RNGTT: variants seen among roughly 807,000 people sequenced by gnomAD.
The protein encoded by RNGTT is mRNA-capping enzyme.
RNGTT carries 33 observed loss-of-function variants against 79.3 expected under a neutral mutation model. The observed-to-expected ratio is 0.42, with a 90% CI of 0.32 to 0.56. The LOEUF is 0.56. Ranked by LOEUF, RNGTT falls within the 20% of genes least tolerant of loss-of-function variation. The probability of loss-of-function intolerance (pLI) is 0.17; values close to 1 mark genes in which losing one functional copy is unlikely to be tolerated. For synonymous variants in RNGTT, 222 were observed against 235.9 expected (o/e 0.94, Z 0.54); for missense variants, 497 against 739.1 (o/e 0.67, Z 3.80).
At chr6:88,692,777 T>C (rs1775529425) in intron 13 of RNGTT, among the ~76,000 whole-genome samples, 1 of 152,122 alleles carries the variant, frequency 6.6e-6, no homozygotes, top group Non-Finnish European at 1.5e-5. Flanking sequence ...CAGTTTATTA[T>C]AAATCAATTA....
chr6:88,859,691 G>A (rs1781947547), intron 8 of RNGTT, among the ~76,000 whole-genome samples: 1 of 152,192 alleles, frequency 6.6e-6, no homozygotes, highest in South Asian at 2.1e-4. Flanking sequence ...TGGTATCTCT[G>A]AGAGGAAACA....
At chr6:88,613,640 C>G (rs2127844835) in intron 15 of RNGTT, among the ~76,000 whole-genome samples, 1 of 152,298 alleles carries the variant, frequency 6.6e-6, no homozygotes, top group East Asian at 1.9e-4. Flanking sequence ...AACCTGTTAT[C>G]TTGGTTTTTA....
At chr6:88,878,116 G>C (rs1381878443) in intron 8 of RNGTT, among the ~76,000 whole-genome samples, 2 of 147,984 alleles carry the variant, frequency 1.4e-5, no homozygotes, top group African/African-American at 5.1e-5. Flanking sequence ...TTATTTTTGA[G>C]ACAGGATCTT....
chr6:88,862,177 T>C (rs1027015119), intron 8 of RNGTT, among the ~76,000 whole-genome samples: 3 of 152,066 alleles, frequency 2.0e-5, no homozygotes, highest in Non-Finnish European at 2.9e-5. Context: ...TATTAATGAG[T>C]TGACTGATGG....
At chr6:88,869,593 A>G (rs1211548120) in intron 8 of RNGTT, among the ~76,000 whole-genome samples, 1 of 152,152 alleles carries the variant, frequency 6.6e-6, no homozygotes, top group Non-Finnish European at 1.5e-5. Context: ...TGTGACCTCC[A>G]TTTTTATTTT....
chr6:88,692,472 T>G (rs1172890547), intron 13 of RNGTT, among the ~76,000 whole-genome samples: 1 of 151,494 alleles, frequency 6.6e-6, no homozygotes, highest in Admixed American at 6.6e-5. Flanking sequence ...AAAGGGCTAT[T>G]GATAAATGTG....
intron 11 of RNGTT, among the ~76,000 whole-genome samples, chr6:88,823,808 C>T (rs533702009): frequency 6.6e-6 from 1 of 151,936 alleles, no homozygotes; most frequent in Non-Finnish European, 1.5e-5. Context: ...GAAAAAAAAT[C>T]AAAGATCAGG....
intron 11 of RNGTT, among the ~76,000 whole-genome samples, chr6:88,824,248 G>C (rs1158627353): frequency 6.6e-6 from 1 of 152,094 alleles, no homozygotes; most frequent in East Asian, 1.9e-4. Flanking sequence ...TATACACTAG[G>C]CTATACAATA....
chr6:88,766,383 C>T (rs1214082097), intron 13 of RNGTT, among the ~76,000 whole-genome samples: 1 of 152,012 alleles, frequency 6.6e-6, no homozygotes, highest in African/African-American at 2.4e-5. Context: ...TGACAATGAC[C>T]ATGGTTTTAG....
rs548545616 is a variant in RNGTT at position 88,775,907 on chromosome 6, T to C, written c.1339-6033A>G. 1.1e-3 allele frequency among the ~76,000 whole-genome samples: 162 copies of C among 152,356 alleles called. 1 individual carries two copies. Among genetic ancestry groups the C allele is most frequent in the African/African-American group, 3.8e-3 (159 of 41,588 alleles). ...TAAGCCTGAATAATATTCTGTTGCA[T>C]AAATATACCATAATTTCTTAATTCA... On this transcript the variant is annotated intron_variant, in intron 12 of 15. Coordinates refer to ENST00000369485, the MANE Select transcript of RNGTT (RefSeq NM_003800.5).
intron 6 of RNGTT, among the ~76,000 whole-genome samples, chr6:88,899,168 G>A (rs780636089): frequency 3.3e-5 from 5 of 149,958 alleles, no homozygotes; most frequent in Admixed American, 1.3e-4. Flanking sequence ...TTCCTAATTC[G>A]GCCTTTGGAG....
intron 14 of RNGTT, among the ~76,000 whole-genome samples, chr6:88,622,329 T>C (rs970584139): frequency 3.3e-5 from 5 of 152,150 alleles, no homozygotes; most frequent in Non-Finnish European, 7.4e-5. Flanking sequence ...ATTTTGTGGA[T>C]ACTCATACAC....
intron 8 of RNGTT, among the ~76,000 whole-genome samples, chr6:88,870,392 T>C (rs1003326475): frequency 9.2e-5 from 14 of 151,810 alleles, no homozygotes; most frequent in Non-Finnish European, 1.2e-4. Flanking sequence ...ATATACCACA[T>C]ACAAGTCAAA....
At chr6:88,757,152 T>C (rs920916847) in intron 13 of RNGTT, among the ~76,000 whole-genome samples, 1 of 152,130 alleles carries the variant, frequency 6.6e-6, no homozygotes, top group Non-Finnish European at 1.5e-5. Flanking sequence ...ATCATGTATT[T>C]GCTATGTCCG....
At chr6:88,917,815 A>T (rs142772251) in intron 4 of RNGTT, among the ~76,000 whole-genome samples, 2,070 of 152,250 alleles carry the variant, frequency 0.014, 48 homozygotes, top group African/African-American at 0.046. Context: ...TGAGCCCAGG[A>T]GGCAGAGATT....
chr6:88,801,254 G>A (rs1387864688), intron 12 of RNGTT, among the ~76,000 whole-genome samples: 1 of 152,176 alleles, frequency 6.6e-6, no homozygotes, highest in Non-Finnish European at 1.5e-5. Context: ...GCTATTGGTA[G>A]AAAATTATTT....
chr6:88,860,805 C>T (rs1781989755), intron 8 of RNGTT, among the ~76,000 whole-genome samples: 1 of 148,586 alleles, frequency 6.7e-6, no homozygotes, highest in Non-Finnish European at 1.5e-5. Context: ...GAGACCACAT[C>T]TCTATTTTTT....
chr6:88,688,026 G>A (rs890989919), intron 13 of RNGTT, among the ~76,000 whole-genome samples: 2 of 152,268 alleles, frequency 1.3e-5, no homozygotes, highest in Non-Finnish European at 2.9e-5. Flanking sequence ...TACACATGAA[G>A]GGGGATGGGG....
chr6:88,695,343 G>T (rs1293629140), intron 13 of RNGTT, among the ~76,000 whole-genome samples: 1 of 152,040 alleles, frequency 6.6e-6, no homozygotes, highest in Admixed American at 6.6e-5. Context: ...TGAAAAATGG[G>T]CAAAGAACTT....
Sources: allele counts gnomAD v4.1 joint callset (sites outside exome capture counted in the v4.1 genomes callset), GRCh38; gene constraint gnomAD v4.1.1; transcripts MANE v1.5; gene names NCBI Gene and HGNC (gene_info 2026-07-23, HGNC 2026-07-21).